The following TENM2 variants were observed in gnomAD, a reference collection of about 807,000 sequenced individuals.
TENM2 encodes the protein teneurin-2.
Under a neutral mutation model 245.2 loss-of-function variants are expected in TENM2, and 52 were observed. That is an observed-to-expected ratio of 0.21 (90% CI 0.17 to 0.27). TENM2 has a LOEUF of 0.27. TENM2 is among the 10% of genes least tolerant of loss of function. The pLI is 1.00. For synonymous variants in TENM2, 1,363 were observed against 1,438.9 expected (o/e 0.95, Z 1.19); for missense variants, 3,046 against 3,666.8 (o/e 0.83, Z 4.37).
At chr5:167,345,919 A>G (rs1339941511) in intron 1 of TENM2, among the ~76,000 whole-genome samples, 1 of 151,290 alleles carries the variant, frequency 6.6e-6, no homozygotes, top group African/African-American at 2.4e-5. Context: ...ACAAGTAATC[A>G]GTGAAAGGAA....
At chr5:167,053,209 A>C in the TENM2 span, among the ~76,000 whole-genome samples, 100 of 152,220 alleles carry the variant, frequency 6.6e-4, 1 homozygote, top group African/African-American at 2.3e-3. Context: ...TTCTTCTACT[A>C]TATTTTTTAT....
intron 2 of TENM2, among the ~76,000 whole-genome samples, chr5:167,836,780 C>A (rs1769034847): frequency 6.9e-6 from 1 of 145,102 alleles, no homozygotes; most frequent in African/African-American, 2.4e-5. Context: ...TGTGTATATA[C>A]CCAACTCAGA....
At chr5:168,078,701 T>C (rs904889320) in intron 7 of TENM2, among the ~76,000 whole-genome samples, 2 of 152,256 alleles carry the variant, frequency 1.3e-5, no homozygotes, top group Non-Finnish European at 2.9e-5. Flanking sequence ...TTTCCCCATT[T>C]CTTGTTTTTG....
At chr5:168,032,645 G>C (rs558096332) in intron 5 of TENM2, among the ~76,000 whole-genome samples, 2 of 152,314 alleles carry the variant, frequency 1.3e-5, no homozygotes, top group South Asian at 4.1e-4. Flanking sequence ...AAACCCTCAA[G>C]GCAGAGGCAG....
chr5:167,926,267 T>C (rs1269660384), intron 3 of TENM2, among the ~76,000 whole-genome samples: 4 of 152,194 alleles, frequency 2.6e-5, no homozygotes, highest in African/African-American at 4.8e-5. Flanking sequence ...TCTTTATAAA[T>C]TTTGTTGAAT....
chr5:167,070,292 T>TTTTC, the TENM2 span, among the ~76,000 whole-genome samples: 1 of 139,264 alleles, frequency 7.2e-6, no homozygotes, highest in African/African-American at 2.9e-5. Context: ...TAATTTTTTT[T>TTTTC]TTTTTTTTTT....
intron 2 of TENM2, among the ~76,000 whole-genome samples, chr5:167,485,172 T>A: frequency 6.6e-6 from 1 of 152,112 alleles, no homozygotes; most frequent in South Asian, 2.1e-4. Context: ...CTGGGGCTGG[T>A]AATTCACAAG....
the TENM2 span, among the ~76,000 whole-genome samples, chr5:167,074,341 A>T: frequency 6.6e-6 from 1 of 152,062 alleles, no homozygotes; most frequent in East Asian, 1.9e-4. Flanking sequence ...TGCAAAAGCG[A>T]GACATTAGTG....
chr5:167,440,907 C>A (rs916339310), intron 2 of TENM2, among the ~76,000 whole-genome samples: 9 of 152,070 alleles, frequency 5.9e-5, no homozygotes, highest in Non-Finnish European at 1.0e-4. Context: ...TGTATCCAAT[C>A]GGTCATTTGT....
At chr5:167,050,014 G>T in the TENM2 span, among the ~76,000 whole-genome samples, 1 of 152,190 alleles carries the variant, frequency 6.6e-6, no homozygotes, top group South Asian at 2.1e-4. Context: ...GAGTTGAGAT[G>T]TAGGATAAGA....
intron 2 of TENM2, among the ~76,000 whole-genome samples, chr5:167,579,081 T>A (rs1458462023): frequency 6.6e-6 from 1 of 152,190 alleles, no homozygotes; most frequent in East Asian, 1.9e-4. Flanking sequence ...CATTTACTTT[T>A]CCAAGCTTTC....
chr5:167,322,858 G>A (rs1756852122), intron 1 of TENM2, among the ~76,000 whole-genome samples: 1 of 152,148 alleles, frequency 6.6e-6, no homozygotes, highest in Non-Finnish European at 1.5e-5. Flanking sequence ...TAATAGCTCC[G>A]ATCACTTTGA....
intron 2 of TENM2, among the ~76,000 whole-genome samples, chr5:167,477,992 A>G (rs1471724143): frequency 6.6e-5 from 10 of 152,228 alleles, no homozygotes; most frequent in South Asian, 6.2e-4. Flanking sequence ...GGTTCATTCA[A>G]TTTAGTAGTT....
intron 3 of TENM2, among the ~76,000 whole-genome samples, chr5:167,893,335 A>C (rs1233198075): frequency 6.6e-6 from 1 of 152,212 alleles, no homozygotes; most frequent in Non-Finnish European, 1.5e-5. Flanking sequence ...GTTGGATGAC[A>C]GATGTGAGCA....
At chr5:168,025,606 G>A (rs1415554812) in intron 5 of TENM2, among the ~76,000 whole-genome samples, 2 of 152,310 alleles carry the variant, frequency 1.3e-5, no homozygotes, top group East Asian at 3.9e-4. Context: ...GTAGGATACA[G>A]GTAGGGTTTC....
At chr5:167,873,326 CT>C (rs1307233429) in intron 2 of TENM2, among the ~76,000 whole-genome samples, 3 of 152,208 alleles carry the variant, frequency 2.0e-5, no homozygotes, top group African/African-American at 4.8e-5. Flanking sequence ...GAAACGTGAT[CT>C]GCTGTAGATC....
chr5:167,294,750 C>T (rs1293316536), intron 1 of TENM2, among the ~76,000 whole-genome samples: 1 of 152,128 alleles, frequency 6.6e-6, no homozygotes, highest in Non-Finnish European at 1.5e-5. Context: ...TTTCAGTTTG[C>T]CACAGGCCCC....
chr5:167,627,584 G>T (rs1198240878), intron 2 of TENM2, among the ~76,000 whole-genome samples: 1 of 150,732 alleles, frequency 6.6e-6, no homozygotes, highest in Non-Finnish European at 1.5e-5. Context: ...TTGAAACGGG[G>T]TCTCACTCTG....
At chr5:167,585,603 T>C (rs1053699645) in intron 2 of TENM2, among the ~76,000 whole-genome samples, 1 of 152,190 alleles carries the variant, frequency 6.6e-6, no homozygotes, top group Non-Finnish European at 1.5e-5. Context: ...CTGGTGAAAT[T>C]CTAAGAACTT....
Sources: gnomAD v4.1 joint callset for allele counts (sites outside exome capture counted in the v4.1 genomes callset) on GRCh38, gnomAD v4.1.1 for gene constraint, MANE v1.5 for transcripts, NCBI Gene and HGNC (gene_info 2026-07-23, HGNC 2026-07-21) for gene names.